BSN: variants seen among roughly 807,000 people sequenced by gnomAD.
BSN encodes bassoon presynaptic cytomatrix protein, also known as protein bassoon.
BSN carries 57 observed loss-of-function variants against 264.8 expected under a neutral mutation model. The observed-to-expected ratio is 0.22, with a 90% CI of 0.17 to 0.27. The LOEUF (loss-of-function observed/expected upper bound fraction) is 0.27, where lower values mean the gene tolerates loss of function less well. BSN is among the 10% of genes least tolerant of loss of function. BSN has a pLI of 1.00. For synonymous variants in BSN, 2,059 were observed against 2,137.3 expected (o/e 0.96, Z 1.01); for missense variants, 4,615 against 5,232.5 (o/e 0.88, Z 3.64).
chr3:49,668,017 C>G lies in BSN; in HGVS notation c.*532C>G, dbSNP rs2052725039. ...CCCTGGGCTCCGTTTCCTTCACATT[C>G]CAGCTGGCCCGGATCCCTCTGTGGC... On this transcript the variant is annotated 3_prime_UTR_variant, in exon 12 of 12. Coordinates refer to ENST00000296452, the MANE Select transcript of BSN (RefSeq NM_003458.4). The G allele has an allele frequency of 6.6e-6, 1 of 152,666 alleles. No homozygotes were observed. 9.5% of individuals were successfully genotyped at this position (152,666 alleles called of 1,614,324 possible). A position where few individuals can be genotyped will look rare whatever the true frequency, so the allele number is the denominator to read the frequency against.
At chr3:49,592,827 A>C (rs1027012479) in intron 1 of BSN, among the ~76,000 whole-genome samples, 1 of 152,064 alleles carries the variant, frequency 6.6e-6, no homozygotes, top group Non-Finnish European at 1.5e-5. Context: ...AATGTTTAGC[A>C]AAATGGTGCA....
At chr3:49,570,107 G>A (rs951451083) in intron 1 of BSN, among the ~76,000 whole-genome samples, 4 of 152,202 alleles carry the variant, frequency 2.6e-5, no homozygotes, top group Non-Finnish European at 5.9e-5. Flanking sequence ...GACTGGAATA[G>A]GACTTTCCCA....
chr3:49,612,749 A>C (rs1172093978), intron 1 of BSN, among the ~76,000 whole-genome samples: 1 of 152,240 alleles, frequency 6.6e-6, no homozygotes, highest in East Asian at 1.9e-4. Context: ...TCTGGAGAAG[A>C]GAACAAAACA....
intron 1 of BSN, among the ~76,000 whole-genome samples, chr3:49,605,544 T>TA (rs1255362292): frequency 1.6e-4 from 1 of 6,100 alleles, no homozygotes; most frequent in Non-Finnish European, 2.4e-4. Flanking sequence ...ATATATTATA[T>TA]ATATTTTATA....
In BSN at chr3:49,656,568, G is replaced by A; in HGVS notation, c.7012G>A (p.Ala2338Thr). 1.3e-6 allele frequency: 2 copies of A among 1,578,632 alleles called. No individual in the cohort carries two copies. Among genetic ancestry groups the A allele is most frequent in the Non-Finnish European group, 1.7e-6 (2 of 1,162,418 alleles). ...CCCACTAGCTGGCCAGAAGCCACCA[G>A]CAGATGCTGCTCCTGGGGGTGGCAG... ...PAPLAGQKPP[A>T]DAAPGGGSGA... Residue 2338 changes from alanine (A) to threonine (T), a missense_variant, in exon 5 of 12, where the codon GCA becomes ACA. Ala to Thr is a moderately conservative substitution (Grantham distance 58). Coordinates refer to ENST00000296452, the MANE Select transcript of BSN (RefSeq NM_003458.4).
chr3:49,654,302 C>T lies in BSN; in HGVS notation c.4746C>T (p.Cys1582=). 1 of 1,613,794 alleles carries T rather than the reference C, an allele frequency of 6.2e-7. No individual in the cohort carries two copies. The highest frequency in any genetic ancestry group is 8.5e-7 in the Non-Finnish European group (1 of 1,179,962). Residue 1582 remains cysteine, a synonymous_variant, in exon 5 of 12, where the codon TGC becomes TGT. Coordinates refer to ENST00000296452, the MANE Select transcript of BSN (RefSeq NM_003458.4). The surrounding 1 kb of genome is among the most constrained non-coding windows in gnomAD (Gnocchi z 4.1). ...CCAGTGCCTCCACCTCCCCGCTCTG[C>T]TCACCTACTGAAACCCAGCCCACCA... The part of the protein sequence containing the change: ...VHASASTSPL[C]SPTETQPTTH...
intron 1 of BSN, among the ~76,000 whole-genome samples, chr3:49,580,625 A>G (rs1170410288): frequency 6.6e-6 from 1 of 151,540 alleles, no homozygotes; most frequent in Admixed American, 6.6e-5. Flanking sequence ...TGTCTGGCTA[A>G]TTTTTTAATA....
At position 49,661,862 on chromosome 3, in the gene BSN, G is replaced by A; in HGVS notation, c.10017G>A (p.Met3339Ile). ...TAGAGAAGTATGGTCCAGGGCCCAT[G>A]GGGCCCAAGCATCCCTCCAAGAGCC... is the stretch of plus-strand genomic sequence containing the variant. ...ARVEKYGPGPMGPKHPSKSLA... is the reference protein window; with the variant it reads ...ARVEKYGPGPIGPKHPSKSLA... Residue 3339 changes from methionine to isoleucine, a missense_variant, in exon 6 of 12, where the codon ATG becomes ATA. By Grantham distance (10) the Met-to-Ile change is conservative. This residue lies in a region of BSN where 3,415 missense variants were observed against 3,866.4 expected (regional missense o/e 0.88). Coordinates refer to ENST00000296452, the MANE Select transcript of BSN (RefSeq NM_003458.4). The A allele has an allele frequency of 6.2e-7, 1 of 1,613,606 alleles. No individual in the cohort carries two copies. The highest frequency in any genetic ancestry group is 8.5e-7 in the Non-Finnish European group (1 of 1,180,040).
Position 49,661,789 on chromosome 3 carries a change from C to G in BSN, c.9944C>G (p.Ala3315Gly), listed in dbSNP as rs750656279. The G allele has an allele frequency of 7.4e-6, 12 of 1,613,576 alleles. No homozygotes were observed. The highest frequency in any genetic ancestry group is 1.0e-5 in the Non-Finnish European group (12 of 1,180,042). ...LRSMESNGRP[A>G]STHYYGDSDY... ...AGCATGGAGAGCAATGGTCGACCAG[C>G]CAGTACCCACTACTATGGTGACAGT... The change falls in exon 6 of 12, where the codon GCC becomes GGC. Residue 3315 changes from alanine (A) to glycine (G), a missense_variant. Coordinates refer to ENST00000296452, the MANE Select transcript of BSN (RefSeq NM_003458.4).
chr3:49,588,761 C>A (rs1488379482), intron 1 of BSN, among the ~76,000 whole-genome samples: 2 of 152,076 alleles, frequency 1.3e-5, no homozygotes, highest in African/African-American at 2.4e-5. Context: ...TTATTGATTT[C>A]TAATTTAATT....
At position 49,652,759 on chromosome 3, in the gene BSN, G is replaced by A. The variant is rs1336122554; in HGVS notation, c.3203G>A (p.Arg1068His). ...CGGGAGGTGGAGCAGCAGCGCATCC[G>A]CAGCACGGCCCGCAAGACCCGGCGG... ...KMREVEQQRI[R>H]STARKTRRDK... is the part of the protein sequence containing the mutation. The change falls in exon 5 of 12, where the codon CGC becomes CAC. Residue 1068 changes from arginine (R) to histidine (H), a missense_variant. Transcript: ENST00000296452. 6.4e-7 allele frequency: 1 copy of A among 1,554,924 alleles called. No homozygotes were observed. Among genetic ancestry groups the A allele is most frequent in the Non-Finnish European group, 8.7e-7 (1 of 1,151,082 alleles).
intron 1 of BSN, among the ~76,000 whole-genome samples, chr3:49,601,927 A>G (rs77023375): frequency 1.6e-3 from 246 of 152,318 alleles, no homozygotes; most frequent in African/African-American, 5.4e-3. Context: ...TGACTGAGCT[A>G]TAAGAGAAGC....
intron 1 of BSN, among the ~76,000 whole-genome samples, chr3:49,619,649 C>T (rs1321406137): frequency 1.3e-5 from 2 of 152,140 alleles, no homozygotes; most frequent in South Asian, 2.1e-4. Flanking sequence ...GGTGAGGGCT[C>T]GGTCAGCATT....
chr3:49,563,183 T>C (rs1284237613), intron 1 of BSN, among the ~76,000 whole-genome samples: 1 of 152,196 alleles, frequency 6.6e-6, no homozygotes, highest in Non-Finnish European at 1.5e-5. Flanking sequence ...ACAAGATGAC[T>C]GCACATTCAA....
At chr3:49,635,991 A>G (rs2052417414) in intron 2 of BSN, among the ~76,000 whole-genome samples, 1 of 151,944 alleles carries the variant, frequency 6.6e-6, no homozygotes, top group Admixed American at 6.6e-5. Flanking sequence ...AAAAAAGTAC[A>G]TCGCTGATAT....
At chr3:49,629,991 C>T (rs1313150395) in intron 2 of BSN, among the ~76,000 whole-genome samples, 2 of 152,324 alleles carry the variant, frequency 1.3e-5, no homozygotes, top group South Asian at 2.1e-4. Context: ...GGGTGGGCGG[C>T]GTGGAGAAGG....
intron 1 of BSN, among the ~76,000 whole-genome samples, chr3:49,605,511 ATAAT>A (rs2052115173): frequency 7.1e-4 from 3 of 4,200 alleles, no homozygotes; most frequent in Non-Finnish European, 1.1e-3. Context: ...TATATATTAT[ATAAT>A]ATATATATAA....
intron 1 of BSN, among the ~76,000 whole-genome samples, chr3:49,597,991 T>G (rs1003778355): frequency 3.9e-5 from 6 of 152,214 alleles, no homozygotes; most frequent in Non-Finnish European, 7.3e-5. Flanking sequence ...TTTTTATAAT[T>G]TCTCTTTATT....
At position 49,653,289 on chromosome 3, in the gene BSN, G is replaced by T. The variant is rs142148405; in HGVS notation, c.3733G>T (p.Ala1245Ser). The change falls in exon 5 of 12, where the codon GCA becomes TCA. Residue 1245 changes from alanine to serine, a missense_variant. Physicochemically the swap from Ala to Ser is moderately conservative, Grantham distance 99. This residue lies in a region of BSN where 3,415 missense variants were observed against 3,866.4 expected (regional missense o/e 0.88). Coordinates refer to ENST00000296452, the MANE Select transcript of BSN (RefSeq NM_003458.4). This position sits in a 1 kb window ranked among gnomAD's most constrained non-coding sequence, Gnocchi z 6.3. ...GTATGGCCAGGCTGCTCAGCCTGCC[G>T]CAGAGGGCACGCCAGCCAGCCTGGG... ...REYGQAAQPA[A>S]EGTPASLGAA... The T allele has an allele frequency of 2.5e-6, 4 of 1,612,334 alleles. No homozygotes were observed. Among genetic ancestry groups the T allele is most frequent in the Admixed American group, 1.7e-5 (1 of 59,904 alleles).
Sources: allele counts gnomAD v4.1 joint callset (sites outside exome capture counted in the v4.1 genomes callset), GRCh38; gene constraint gnomAD v4.1.1; regional missense constraint gnomAD v4.1.1; non-coding constraint Gnocchi (gnomAD v3.1); transcripts MANE v1.5; gene names NCBI Gene and HGNC (gene_info 2026-07-23, HGNC 2026-07-21).